The following CSMD1 variants were observed in gnomAD, a reference collection of about 807,000 sequenced individuals.
The protein encoded by CSMD1 is CUB and sushi domain-containing protein 1.
Under a neutral mutation model 417.5 loss-of-function variants are expected in CSMD1, and 213 were observed. The observed-to-expected ratio is 0.51, with a 90% CI of 0.46 to 0.57. The LOEUF (loss-of-function observed/expected upper bound fraction) is 0.57. Ranked by LOEUF, CSMD1 falls within the 20% of genes least tolerant of loss-of-function variation. The pLI is 0.00. For synonymous variants in CSMD1, 2,862 were observed against 1,736.8 expected (o/e 1.65, Z -16.11); for missense variants, 6,923 against 4,529.7 (o/e 1.53, Z -15.17).
At chr8:4,362,360 C>G (rs1456246370) in intron 3 of CSMD1, among the ~76,000 whole-genome samples, 4 of 152,042 alleles carry the variant, frequency 2.6e-5, no homozygotes, top group African/African-American at 9.7e-5. Context: ...CTGTCTGCCC[C>G]CTGCACTCAT....
chr8:4,140,227 G>A (rs890357485), intron 3 of CSMD1, among the ~76,000 whole-genome samples: 1 of 134,950 alleles, frequency 7.4e-6, no homozygotes, highest in African/African-American at 2.6e-5. Context: ...ATCTGGATAT[G>A]AAGGCTCAGC....
rs1046932162 is a variant in CSMD1 at position 4,792,577 on chromosome 8, C to T, written c.86-155019G>A. 2.0e-5 allele frequency among the ~76,000 whole-genome samples: 3 copies of T among 152,150 alleles called. No homozygotes were observed. The East Asian group carries it at 5.8e-4, about 29-fold the overall frequency. ...ACACCACACTCAACAGTTGTCAGCA[C>T]GTCCATGCAAGAAACTGTTGAATAG... On this transcript the variant is annotated intron_variant, in intron 1 of 69. Coordinates refer to ENST00000635120, the MANE Select transcript of CSMD1 (RefSeq NM_033225.6).
At chr8:4,225,188 G>A (rs1246466551) in intron 3 of CSMD1, among the ~76,000 whole-genome samples, 3 of 152,110 alleles carry the variant, frequency 2.0e-5, no homozygotes, top group African/African-American at 7.2e-5. Context: ...AGGACACATG[G>A]CAACTCAGCG....
intron 18 of CSMD1, among the ~76,000 whole-genome samples, chr8:3,385,697 G>C (rs112237867): frequency 4.6e-5 from 7 of 152,122 alleles, no homozygotes; most frequent in East Asian, 1.9e-4. Context: ...TTATTTTAGA[G>C]TTTATGTTTA....
chr8:3,020,969 A>T (rs903085451), intron 51 of CSMD1, among the ~76,000 whole-genome samples: 2 of 152,242 alleles, frequency 1.3e-5, no homozygotes, highest in Non-Finnish European at 2.9e-5. Flanking sequence ...CTTTTCATTA[A>T]GCCTTTTCCC....
chr8:4,787,302 G>A (rs1478131709), intron 1 of CSMD1: 6 of 695,734 alleles, frequency 8.6e-6, no homozygotes, highest in African/African-American at 7.1e-5. Context: ...ACTTACCGGC[G>A]CGGTCGCAGC....
chr8:4,668,514 A>G (rs1285436610), intron 1 of CSMD1, among the ~76,000 whole-genome samples: 1 of 150,524 alleles, frequency 6.6e-6, no homozygotes, highest in African/African-American at 2.4e-5. Flanking sequence ...CAGTGGCACG[A>G]TCTCAGCTCA....
At chr8:3,667,250 A>G (rs1037207598) in intron 7 of CSMD1, among the ~76,000 whole-genome samples, 7 of 152,166 alleles carry the variant, frequency 4.6e-5, no homozygotes, top group Non-Finnish European at 8.8e-5. Flanking sequence ...ATATTAATAT[A>G]TATTAATAGG....
rs61494901 is a variant in CSMD1 at position 3,714,561 on chromosome 8, C to CAAAAAAAAAAAAAAAAAAAAAAAA, written c.932-6071_932-6070insTTTTTTTTTTTTTTTTTTTTTTTT. Among the ~76,000 whole-genome samples, 22 of 70,570 alleles carry CAAAAAAAAAAAAAAAAAAAAAAAA rather than the reference C, an allele frequency of 3.1e-4. 8 individuals are homozygous for CAAAAAAAAAAAAAAAAAAAAAAAA. Among genetic ancestry groups the CAAAAAAAAAAAAAAAAAAAAAAAA allele is most frequent in the African/African-American group, 9.4e-4 (17 of 18,146 alleles). 46.3% of individuals were successfully genotyped at this position (70,570 alleles called of 152,430 possible). A position where few individuals can be genotyped will look rare whatever the true frequency, so the allele number is the denominator to read the frequency against. On this transcript the variant is annotated intron_variant, in intron 6 of 69. Coordinates refer to ENST00000635120, the MANE Select transcript of CSMD1 (RefSeq NM_033225.6). ...ACATGGCGAAACCCCATCTCTATCC[C>CAAAAAAAAAAAAAAAAAAAAAAAA]AAAAAAAAAAAAAAAAAAAATTAGC...
At chr8:3,052,673 G>A (rs748616058) in intron 49 of CSMD1, 26 bp from the exon 50 acceptor site, 9 of 1,484,360 alleles carry the variant, frequency 6.1e-6, no homozygotes, top group Non-Finnish European at 8.1e-6. Flanking sequence ...ACAAATGTAG[G>A]CTTATTCTTA....
intron 5 of CSMD1, among the ~76,000 whole-genome samples, chr8:3,907,075 A>C (rs1368515904): frequency 6.6e-6 from 1 of 152,196 alleles, no homozygotes; most frequent in Non-Finnish European, 1.5e-5. Flanking sequence ...CGTAGCTAGT[A>C]ATCACATCCC....
chr8:4,947,138 ATATT>A (rs1188423822), intron 1 of CSMD1, among the ~76,000 whole-genome samples: 1 of 152,202 alleles, frequency 6.6e-6, no homozygotes, highest in Non-Finnish European at 1.5e-5. Flanking sequence ...GCATAAATTT[ATATT>A]TAACACAAAT....
chr8:3,537,036 T>C (rs1380659673), intron 10 of CSMD1, among the ~76,000 whole-genome samples: 1 of 152,120 alleles, frequency 6.6e-6, no homozygotes. Flanking sequence ...ATGGAGTCTT[T>C]CTCTGTTGCC....
chr8:3,397,915 T>A (rs539746363), intron 16 of CSMD1, among the ~76,000 whole-genome samples: 9 of 152,200 alleles, frequency 5.9e-5, no homozygotes, highest in Non-Finnish European at 1.2e-4. Context: ...CCATCGGTCA[T>A]GGTGGAAATG....
At chr8:4,667,743 TC>T (rs1258222038) in intron 1 of CSMD1, among the ~76,000 whole-genome samples, 1 of 152,248 alleles carries the variant, frequency 6.6e-6, no homozygotes, top group Non-Finnish European at 1.5e-5. Flanking sequence ...TCTTTTGGTT[TC>T]AGTAACATTC....
chr8:4,197,133 C>G (rs147485214), intron 3 of CSMD1, among the ~76,000 whole-genome samples: 4 of 152,126 alleles, frequency 2.6e-5, no homozygotes, highest in African/African-American at 9.7e-5. Context: ...AGTTCCCAGA[C>G]AAACTACAAC....
At chr8:3,346,246 C>T (rs1352186706) in intron 22 of CSMD1, among the ~76,000 whole-genome samples, 2 of 152,178 alleles carry the variant, frequency 1.3e-5, no homozygotes, top group Non-Finnish European at 2.9e-5. Context: ...CTTTAAACAG[C>T]ATGCAATCAC....
intron 2 of CSMD1, among the ~76,000 whole-genome samples, chr8:4,619,363 A>G (rs1421607677): frequency 6.6e-6 from 1 of 152,200 alleles, no homozygotes; most frequent in Non-Finnish European, 1.5e-5. Flanking sequence ...ATTTAGCATC[A>G]AGACTGATGT....
chr8:4,761,886 T>C (rs3990426), intron 1 of CSMD1, among the ~76,000 whole-genome samples: 1,813 of 90,858 alleles, frequency 0.02, 19 homozygotes, highest in Middle Eastern at 0.044. Context: ...TATCTATCTA[T>C]CTACCTACCT....
Sources: allele counts gnomAD v4.1 joint callset (sites outside exome capture counted in the v4.1 genomes callset), GRCh38; gene constraint gnomAD v4.1.1; transcripts MANE v1.5; gene names NCBI Gene and HGNC (gene_info 2026-07-23, HGNC 2026-07-21).